The following KCNMA1 variants were observed in gnomAD, a reference collection of about 807,000 sequenced individuals.
KCNMA1 encodes the protein Calcium-activated potassium channel subunit alpha-1.
In KCNMA1, 29 loss-of-function variants were observed where a neutral mutation model predicts 140.0. The ratio of observed to expected loss-of-function variants is 0.21; its 90% CI spans 0.15 to 0.28. KCNMA1 has a LOEUF of 0.28. Ranked by LOEUF, KCNMA1 falls within the 10% of genes least tolerant of loss-of-function variation. KCNMA1 has a pLI of 1.00. For synonymous variants in KCNMA1, 612 were observed against 611.9 expected (o/e 1.00, Z 0.00); for missense variants, 880 against 1,602.2 (o/e 0.55, Z 7.70).
At chr10:77,006,033 TGCTG>T (rs900068465) in intron 18 of KCNMA1, among the ~76,000 whole-genome samples, 7 of 152,318 alleles carry the variant, frequency 4.6e-5, no homozygotes, top group Non-Finnish European at 1.0e-4. Flanking sequence ...TCAGGTTCTC[TGCTG>T]GCTGGCCTTT....
At chr10:77,186,519 C>T (rs1375101335) in intron 3 of KCNMA1, among the ~76,000 whole-genome samples, 1 of 152,116 alleles carries the variant, frequency 6.6e-6, no homozygotes, top group African/African-American at 2.4e-5. Flanking sequence ...TCTAGGCCTG[C>T]TCTCCTACAC....
chr10:77,196,083 C>T (rs969660975), intron 3 of KCNMA1, among the ~76,000 whole-genome samples: 12 of 152,134 alleles, frequency 7.9e-5, no homozygotes, highest in African/African-American at 2.9e-4. Flanking sequence ...TTGCTTCCTC[C>T]TGCAGGCCCT....
At chr10:77,219,117 G>GA (rs1395757696) in intron 3 of KCNMA1, among the ~76,000 whole-genome samples, 1 of 152,154 alleles carries the variant, frequency 6.6e-6, no homozygotes, top group African/African-American at 2.4e-5. Context: ...CTTTCCCAGA[G>GA]AATCAGCACA....
chr10:77,383,558 G>T (rs1428068993), intron 2 of KCNMA1, among the ~76,000 whole-genome samples: 1 of 151,796 alleles, frequency 6.6e-6, no homozygotes. Flanking sequence ...CATCTAGAAA[G>T]CATATTTTTT....
intron 1 of KCNMA1, among the ~76,000 whole-genome samples, chr10:77,542,887 G>A (rs2060502142): frequency 6.6e-6 from 1 of 152,204 alleles, no homozygotes; most frequent in South Asian, 2.1e-4. Context: ...TTGCAGAGAA[G>A]CAGACTGTGA....
At chr10:77,101,388 CA>C (rs1299477950) in intron 9 of KCNMA1, among the ~76,000 whole-genome samples, 2 of 152,144 alleles carry the variant, frequency 1.3e-5, no homozygotes, top group Non-Finnish European at 1.5e-5. Flanking sequence ...CTAATCAGTC[CA>C]AGATGTTCTG....
intron 2 of KCNMA1, among the ~76,000 whole-genome samples, chr10:77,286,572 C>T (rs2070927344): frequency 6.6e-6 from 1 of 152,070 alleles, no homozygotes; most frequent in Non-Finnish European, 1.5e-5. Context: ...TTCTGTGATA[C>T]CTAAGAATAC....
At chr10:76,944,624 T>C in intron 23 of KCNMA1, 149 bp downstream of exon 23, 1 of 712,596 alleles carries the variant, frequency 1.4e-6, no homozygotes, top group Non-Finnish European at 2.5e-6. Flanking sequence ...AGGCAGCAGA[T>C]GCCCCTTTGA....
chr10:77,187,647 G>A (rs1158736911), intron 3 of KCNMA1, among the ~76,000 whole-genome samples: 1 of 152,180 alleles, frequency 6.6e-6, no homozygotes, highest in Admixed American at 6.5e-5. Context: ...ATAATATGAG[G>A]GGGCAGGGGG....
At chr10:77,183,782 C>T (rs749482345) in intron 4 of KCNMA1, among the ~76,000 whole-genome samples, 3 of 152,066 alleles carry the variant, frequency 2.0e-5, no homozygotes, top group Non-Finnish European at 4.4e-5. Context: ...TCACTGCACT[C>T]GGCCTATTTC....
chr10:77,074,513 T>C (rs564850001), intron 13 of KCNMA1, among the ~76,000 whole-genome samples: 96 of 152,238 alleles, frequency 6.3e-4, no homozygotes, highest in Non-Finnish European at 1.1e-3. Context: ...TGAAGAAGGC[T>C]CTCGTCCTCA....
At chr10:77,268,116 C>T (rs2063912497) in intron 2 of KCNMA1, among the ~76,000 whole-genome samples, 1 of 152,126 alleles carries the variant, frequency 6.6e-6, no homozygotes, top group African/African-American at 2.4e-5. Flanking sequence ...TTAAGTTGCA[C>T]TTGGGTCCTT....
chr10:77,356,229 G>T (rs900772173), intron 2 of KCNMA1, among the ~76,000 whole-genome samples: 3 of 152,104 alleles, frequency 2.0e-5, no homozygotes, highest in African/African-American at 7.2e-5. Context: ...CTACCATTCT[G>T]ACCCTGTTTT....
At chr10:76,906,594 G>A (rs558227405) in intron 25 of KCNMA1, among the ~76,000 whole-genome samples, 1 of 152,356 alleles carries the variant, frequency 6.6e-6, no homozygotes, top group East Asian at 1.9e-4. Flanking sequence ...AGGAGCGCTA[G>A]AATAAGGAGA....
chr10:76,920,020 G>GTATATATATATATATA lies in KCNMA1; in HGVS notation c.2903-4987_2903-4972dup, dbSNP rs1169838049. Among the ~76,000 whole-genome samples the GTATATATATATATATA allele has an allele frequency of 7.0e-3, 241 of 34,398 alleles. 16 individuals are homozygous for GTATATATATATATATA. Among genetic ancestry groups the GTATATATATATATATA allele is most frequent in the Admixed American group, 0.013 (31 of 2,340 alleles). The allele number at this position is 34,398 out of a possible 152,430, so 22.6% of individuals were successfully genotyped here. ...TGTGTGTGTGTGTGTGTGTGTGTGT[G>GTATATATATATATATA]TATATATATATATATATATATATAT... On this transcript the variant is annotated intron_variant, in intron 23 of 27. Transcript: ENST00000286628.
chr10:77,524,939 C>G (rs1276744809), intron 1 of KCNMA1, among the ~76,000 whole-genome samples: 3 of 152,166 alleles, frequency 2.0e-5, no homozygotes, highest in African/African-American at 7.2e-5. Flanking sequence ...TGATCCCCGG[C>G]CTCCCTCAGC....
At chr10:77,411,687 C>A (rs1254394621) in intron 1 of KCNMA1, among the ~76,000 whole-genome samples, 1 of 152,186 alleles carries the variant, frequency 6.6e-6, no homozygotes, top group Admixed American at 6.5e-5. Flanking sequence ...TCAATTCATG[C>A]CACTTCTGGG....
chr10:77,348,029 T>C (rs919800020), intron 2 of KCNMA1, among the ~76,000 whole-genome samples: 2 of 152,132 alleles, frequency 1.3e-5, no homozygotes, highest in African/African-American at 2.4e-5. Context: ...CAAAACTTTA[T>C]TGAAAGGATT....
At chr10:77,470,984 C>T (rs560012658) in intron 1 of KCNMA1, among the ~76,000 whole-genome samples, 43 of 152,158 alleles carry the variant, frequency 2.8e-4, no homozygotes, top group Admixed American at 5.9e-4. Flanking sequence ...AATGGATAGA[C>T]GCACACCATA....
Sources: allele counts gnomAD v4.1 joint callset (sites outside exome capture counted in the v4.1 genomes callset), GRCh38; gene constraint gnomAD v4.1.1; transcripts MANE v1.5; gene names NCBI Gene and HGNC (gene_info 2026-07-23, HGNC 2026-07-21).